KCNQ2: variants seen among roughly 807,000 people sequenced by gnomAD.
The protein encoded by KCNQ2 is potassium voltage-gated channel subfamily KQT member 2.
A neutral mutation model predicts 84.8 loss-of-function variants in KCNQ2; 14 were observed. The observed-to-expected ratio is 0.17, with a 90% CI of 0.11 to 0.26. The LOEUF is 0.26. KCNQ2 is among the 10% of genes least tolerant of loss of function. The pLI is 1.00. For synonymous variants in KCNQ2, 599 were observed against 554.1 expected, an observed-to-expected ratio of 1.08 and a Z score of -1.14; for missense variants, 788 against 1,254.0, an observed-to-expected ratio of 0.63 and a Z score of 5.61.
intron 10 of KCNQ2, 77 bp downstream of exon 10, chr20:63,428,290 C>T (rs866842015): frequency 2.7e-6 from 3 of 1,093,530 alleles, no homozygotes; most frequent in African/African-American, 3.1e-5. Context: ...ACTGTCCTGG[C>T]GTGTCTTCTG....
At chr20:63,439,543 G>A (rs957981292) in intron 6 of KCNQ2, 55 bp downstream of exon 6, 13 of 1,347,664 alleles carry the variant, frequency 9.6e-6, no homozygotes, top group Admixed American at 1.7e-5. Flanking sequence ...TGGTCACCTC[G>A]GGAGCCTACA....
chr20:63,441,601 C>G (rs1444190222), intron 5 of KCNQ2, among the ~76,000 whole-genome samples: 1 of 152,178 alleles, frequency 6.6e-6, no homozygotes, highest in East Asian at 1.9e-4. Context: ...AGTCACAGCT[C>G]AGGACGCCCC....
In KCNQ2 at chr20:63,406,975, A is replaced by G; in HGVS notation, c.2288T>C (p.Met763Thr). The G allele has an allele frequency of 6.5e-7, 1 of 1,539,934 alleles. No homozygotes were observed. Among genetic ancestry groups the G allele is most frequent in the South Asian group, 1.2e-5 (1 of 84,916 alleles). ...SAYGGGNRAS[M>T]EFLRQEDTPG... ...GGTGTCCTCCTGCCGCAGGAACTCC[A>G]TGCTGGCGCGGTTGCCCCCGCCGTA... Residue 763 changes from methionine to threonine, a missense_variant, in exon 17 of 17, where the codon ATG becomes ACG. By Grantham distance (81) the Met-to-Thr change is moderately conservative. Around this residue, in one of 8 missense-constraint regions of KCNQ2, gnomAD observed 378 missense variants for 434.5 expected, o/e 0.87. Transcript: ENST00000359125.
intron 11 of KCNQ2, among the ~76,000 whole-genome samples, chr20:63,421,919 C>T (rs2080482817): frequency 6.6e-6 from 1 of 152,178 alleles, no homozygotes; most frequent in African/African-American, 2.4e-5. Flanking sequence ...CCAGCACAGC[C>T]CCAGTGGTCC....
chr20:63,432,630 TGGGAAGGCCCCACCCTCA>T (rs2080851596), intron 8 of KCNQ2, among the ~76,000 whole-genome samples: 1 of 72,416 alleles, frequency 1.4e-5, no homozygotes, highest in South Asian at 4.7e-4. Context: ...CTCCACCCTC[TGGGAAGGCCCCACCCTCA>T]GGGAAGGATC....
At chr20:63,424,829 G>A (rs1315970627) in intron 10 of KCNQ2, among the ~76,000 whole-genome samples, 1 of 152,222 alleles carries the variant, frequency 6.6e-6, no homozygotes, top group Non-Finnish European at 1.5e-5. Context: ...GTGAGAGATC[G>A]GCGGATCGTG....
intron 9 of KCNQ2, 103 bp downstream of exon 9, chr20:63,431,237 G>A: frequency 7.6e-7 from 1 of 1,323,090 alleles, no homozygotes; most frequent in Non-Finnish European, 1.1e-6. Flanking sequence ...TCACTCTGCA[G>A]ACCGGGTGGG....
rs2081178566 is a variant in KCNQ2, at chr20:63,442,143, C to T, written c.816+263G>A. ...GGTCACTCAGGAGGAAGGAAGATGC[C>T]CACCACGGCTGAGCTCAGGAGGAAG... On this transcript the variant is annotated intron_variant, in intron 5 of 16. Transcript: ENST00000359125. 2.6e-5 allele frequency among the ~76,000 whole-genome samples: 4 copies of T among 151,892 alleles called. No individual in the cohort carries two copies. In the South Asian group the frequency reaches 8.3e-4, roughly 32 times the overall value.
At chr20:63,470,555 C>A (rs907619323) in intron 1 of KCNQ2, among the ~76,000 whole-genome samples, 2 of 152,346 alleles carry the variant, frequency 1.3e-5, no homozygotes, top group Admixed American at 1.3e-4. Flanking sequence ...GCTGCTGACC[C>A]AACGGGAAAC....
At chr20:63,454,562 C>T (rs1475400903) in intron 1 of KCNQ2, among the ~76,000 whole-genome samples, 2 of 152,240 alleles carry the variant, frequency 1.3e-5, no homozygotes, top group African/African-American at 2.4e-5. Context: ...TTCCCAAACG[C>T]ACTGGCCAGC....
intron 1 of KCNQ2, among the ~76,000 whole-genome samples, chr20:63,466,846 G>A (rs952140299): frequency 3.9e-5 from 6 of 152,238 alleles, no homozygotes; most frequent in African/African-American, 1.4e-4. Flanking sequence ...ACGGGCGGAA[G>A]CACAGAGGGG....
At position 63,414,265 on chromosome 20, in the gene KCNQ2, C is replaced by T; in HGVS notation, c.1526-72G>A. Reference sequence around the variant, plus strand: ...CCTATTCCCGGGGTCCTGCAGGGCACACCGGCTAGACAGAGCGCCAGGGAG... The same window carrying T: ...CCTATTCCCGGGGTCCTGCAGGGCATACCGGCTAGACAGAGCGCCAGGGAG... On this transcript the variant is annotated intron_variant, in intron 13 of 16. Coordinates refer to ENST00000359125, the MANE Select transcript of KCNQ2 (RefSeq NM_172107.4). This position sits in a 1 kb window ranked among gnomAD's most constrained non-coding sequence, Gnocchi z 6.6. 3.5e-6 allele frequency: 4 copies of T among 1,136,006 alleles called. No homozygotes were observed. Among genetic ancestry groups the T allele is most frequent in the Non-Finnish European group, 5.3e-6 (4 of 753,002 alleles). The allele number at this position is 1,136,006 out of a possible 1,614,324, so 70.4% of individuals were successfully genotyped here.
rs1314835276 is a variant in KCNQ2 at position 63,438,457 on chromosome 20, CAA to C, written c.1023+166_1023+167del. 2.9e-6 allele frequency: 2 copies of C among 684,188 alleles called. No homozygotes were observed. Among genetic ancestry groups the C allele is most frequent in the Non-Finnish European group, 5.2e-6 (2 of 381,154 alleles). The allele number at this position is 684,188 out of a possible 1,614,324, so 42.4% of individuals were successfully genotyped here. A position where few individuals can be genotyped will look rare whatever the true frequency, so the allele number is the denominator to read the frequency against. ...AGCCTCAGGGGTTGGAGCCATTTCT[CAA>C]CACACACACTTCACATCCTCGCTCC... On this transcript the variant is annotated intron_variant, in intron 7 of 16. Coordinates refer to ENST00000359125, the MANE Select transcript of KCNQ2 (RefSeq NM_172107.4). This position sits in a 1 kb window ranked among gnomAD's most constrained non-coding sequence, Gnocchi z 5.1.
chr20:63,424,854 TG>T (rs2080581188), intron 10 of KCNQ2, among the ~76,000 whole-genome samples: 1 of 152,352 alleles, frequency 6.6e-6, no homozygotes, highest in Non-Finnish European at 1.5e-5. Context: ...GGCTCATCCA[TG>T]GGGAGGCCCC....
rs1252975980 is a variant in KCNQ2, at chr20:63,403,495, T to G, written c.*3149A>C. On this transcript the variant is annotated 3_prime_UTR_variant, in exon 17 of 17. Transcript: ENST00000359125. ...GCATGTGCTGTGTGGCCTATGCACTTTGTGTGTGCATGTGTTAGTGCTGTG... is the reference window on the plus strand; with the variant it reads ...GCATGTGCTGTGTGGCCTATGCACTGTGTGTGTGCATGTGTTAGTGCTGTG... The G allele has an allele frequency of 6.6e-6, 1 of 152,206 alleles. No individual in the cohort carries two copies. 9.4% of individuals were successfully genotyped at this position (152,206 alleles called of 1,614,324 possible).
chr20:63,435,407 A>AAAG (rs2080965111), intron 7 of KCNQ2, among the ~76,000 whole-genome samples: 4 of 150,590 alleles, frequency 2.7e-5, no homozygotes, highest in Non-Finnish European at 3.0e-5. Context: ...AAAAAAAAAA[A>AAAG]GTTGGCCATC....
At chr20:63,442,565 C>G (rs368865504) in intron 4 of KCNQ2, 34 bp from the exon 5 acceptor site, 2 of 1,611,150 alleles carry the variant, frequency 1.2e-6, no homozygotes, top group Admixed American at 1.7e-5. Context: ...TCATGACCAC[C>G]ATCACCAGAA....
At chr20:63,463,252 C>A (rs538591078) in intron 1 of KCNQ2, among the ~76,000 whole-genome samples, 1 of 152,202 alleles carries the variant, frequency 6.6e-6, no homozygotes, top group East Asian at 1.9e-4. Context: ...CAGAGCGAGA[C>A]CCCCACACTT....
chr20:63,456,307 A>G lies in KCNQ2; in HGVS notation c.297-9470T>C, dbSNP rs189232959. On this transcript the variant is annotated intron_variant, in intron 1 of 16. Transcript: ENST00000359125. The stretch of plus-strand genomic sequence containing the variant: ...CGCCACCCCGCTCCTCACTCGCTTC[A>G]TGCACTTGGGGAAGAGGACTCGACG... 3.5e-4 allele frequency among the ~76,000 whole-genome samples: 53 copies of G among 152,192 alleles called. No individual in the cohort carries two copies. The East Asian group carries it at 7.7e-3, about 22-fold the overall frequency.
Sources: gnomAD v4.1 joint callset for allele counts (sites outside exome capture counted in the v4.1 genomes callset) on GRCh38, gnomAD v4.1.1 for gene constraint, gnomAD v4.1.1 regional missense constraint, Gnocchi (gnomAD v3.1) non-coding constraint, MANE v1.5 for transcripts, NCBI Gene and HGNC (gene_info 2026-07-23, HGNC 2026-07-21) for gene names.